Variants in MMRN1 observed in about 807,000 individuals in gnomAD.
MMRN1 encodes multimerin 1, also known as multimerin-1.
A neutral mutation model predicts 100.7 loss-of-function variants in MMRN1; 94 were observed. The ratio of observed to expected loss-of-function variants is 0.93; its 90% CI spans 0.79 to 1.11. The LOEUF is 1.11. Among genes scored for constraint, MMRN1 ranks in the 50% least tolerant of loss-of-function variants. The pLI is 0.00. For missense variants in MMRN1, 1,606 were observed against 1,439.1 expected, an observed-to-expected ratio of 1.12 and a Z score of -1.88; for synonymous variants, 575 against 505.0, an observed-to-expected ratio of 1.14 and a Z score of -1.86.
rs771272615 is a variant in MMRN1 at position 89,936,628 on chromosome 4, C to T, written c.2948C>T (p.Thr983Ile). The T allele has an allele frequency of 2.5e-6, 4 of 1,613,100 alleles. No individual in the cohort carries two copies. The Admixed American group carries it at 5.0e-5, about 20-fold the overall frequency. ...ACTCAAGCTGCCCTATCTAATTTAA[C>T]TTGTTGTATAGATCGATCGTTGCCT... is the stretch of plus-strand genomic sequence containing the variant. The part of the protein sequence containing the change: ...IKTQAALSNL[T>I]CCIDRSLPGS... The change falls in exon 6 of 8, where the codon ACT becomes ATT. Residue 983 changes from threonine (T) to isoleucine (I), a missense_variant. By Grantham distance (89) the Thr-to-Ile change is moderately conservative. Coordinates refer to ENST00000264790, the MANE Select transcript of MMRN1 (RefSeq NM_007351.3).
rs1419034742 is a variant in MMRN1, at chr4:89,894,944, A to G, written c.-28A>G. On this transcript the variant is annotated 5_prime_UTR_variant, in exon 1 of 8. The change abolishes an upstream ATG in the 5' untranslated region. Coordinates refer to ENST00000264790, the MANE Select transcript of MMRN1 (RefSeq NM_007351.3). ...TAAGGATTTTGTCCCCAAATTTCAC[A>G]TGAGCTACCTTGCTTCAAACTACTG... The G allele has an allele frequency of 1.2e-5, 19 of 1,572,548 alleles. No homozygotes were observed. Among genetic ancestry groups the G allele is most frequent in the Non-Finnish European group, 1.5e-5 (17 of 1,161,078 alleles).
chr4:89,881,379 C>A (rs1418639701), intron 1 of MMRN1, among the ~76,000 whole-genome samples: 1 of 151,898 alleles, frequency 6.6e-6, no homozygotes, highest in Non-Finnish European at 1.5e-5. Context: ...AGAATGTGGC[C>A]GTTTTCTAGT....
At chr4:89,946,561 A>G (rs1208561052) in intron 6 of MMRN1, among the ~76,000 whole-genome samples, 1 of 152,186 alleles carries the variant, frequency 6.6e-6, no homozygotes, top group East Asian at 1.9e-4. Context: ...CTGTTGAATG[A>G]GTTCTGAATG....
At position 89,945,529 on chromosome 4, in the gene MMRN1, T is replaced by C. The variant is rs561637296; in HGVS notation, c.3119-6076T>C. Among the ~76,000 whole-genome samples, 12 of 152,290 alleles carry C rather than the reference T, an allele frequency of 7.9e-5. 1 individual carries two copies. The highest frequency in any genetic ancestry group is 2.9e-4 in the African/African-American group (12 of 41,568). On this transcript the variant is annotated intron_variant, in intron 6 of 7. Transcript: ENST00000264790. ...CATGTTATTTTAGTAGGTACATAGT[T>C]ATATCTCACTGTGGTTTTGTTTTGC...
chr4:89,927,844 G>A lies in MMRN1; in HGVS notation c.1005G>A (p.Leu335=). ...AGGTGAACTACCAGGCAATGAAACT[G>A]ACTCTTCTGCAGAAGAAGATTGACA... ...TDQVNYQAMK[L]TLLQKKIDNI... The change falls in exon 5 of 8, where the codon CTG becomes CTA. Residue 335 remains leucine, a synonymous_variant. Transcript: ENST00000264790. 1 of 1,612,468 alleles carries A rather than the reference G, an allele frequency of 6.2e-7. No homozygotes were observed. The highest frequency in any genetic ancestry group is 8.5e-7 in the Non-Finnish European group (1 of 1,179,176).
At chr4:89,885,429 G>A (rs1188538221) in intron 1 of MMRN1, among the ~76,000 whole-genome samples, 4 of 151,794 alleles carry the variant, frequency 2.6e-5, no homozygotes, top group Admixed American at 6.6e-5. Context: ...GGTTTTTGTG[G>A]CCTTATAAAT....
At chr4:89,888,140 TC>T (rs1180688346) in intron 1 of MMRN1, among the ~76,000 whole-genome samples, 2 of 152,028 alleles carry the variant, frequency 1.3e-5, no homozygotes, top group East Asian at 3.9e-4. Flanking sequence ...TCTGATGCTC[TC>T]CATTCATTCT....
chr4:89,906,886 T>C (rs1721581374), intron 1 of MMRN1, among the ~76,000 whole-genome samples: 1 of 151,414 alleles, frequency 6.6e-6, no homozygotes, highest in Non-Finnish European at 1.5e-5. Flanking sequence ...ATTGTTTTAA[T>C]ATTTAGGATT....
In MMRN1 at chr4:89,953,122, A is replaced by AC. The variant is rs1303636264; in HGVS notation, c.3395dup (p.Arg1133LysfsTer6). 4 of 1,613,698 alleles carry AC rather than the reference A, an allele frequency of 2.5e-6. No individual in the cohort carries two copies. The Admixed American group carries it at 6.7e-5, about 27-fold the overall frequency. Reference sequence around the variant, plus strand: ...GGATGTCAATTATGGAGCTTCATATACCCCAAGAACTGGAAAATTTAGAAT... The same window carrying AC: ...GGATGTCAATTATGGAGCTTCATATACCCCCAAGAACTGGAAAATTTAGAAT... On this transcript the variant is annotated frameshift_variant, in exon 8 of 8. Transcript: ENST00000264790. LOFTEE classifies it high-confidence loss of function.
At chr4:89,889,591 G>A (rs1400632272) in intron 1 of MMRN1, among the ~76,000 whole-genome samples, 1 of 152,100 alleles carries the variant, frequency 6.6e-6, no homozygotes, top group Non-Finnish European at 1.5e-5. Flanking sequence ...CCGCCTTCTA[G>A]CATTGTTGAT....
In MMRN1 at chr4:89,901,746, CTTT is replaced by C. The variant is rs780589660; in HGVS notation, c.623+6153_623+6155del. On this transcript the variant is annotated intron_variant, in intron 1 of 7. Transcript: ENST00000264790. ...TCAACTTTTACCCATTAATCACATTCTTTATTTCATTACTTTGCTGTTTCTACT... is the reference window on the plus strand; with the variant it reads ...TCAACTTTTACCCATTAATCACATTCATTTCATTACTTTGCTGTTTCTACT... Among the ~76,000 whole-genome samples the C allele has an allele frequency of 9.9e-4, 151 of 152,094 alleles. 2 individuals carry two copies. The highest frequency in any genetic ancestry group is 1.6e-4 in the Non-Finnish European group (11 of 67,964).
intron 1 of MMRN1, among the ~76,000 whole-genome samples, chr4:89,897,960 A>G (rs954276045): frequency 6.6e-6 from 1 of 152,004 alleles, no homozygotes; most frequent in Non-Finnish European, 1.5e-5. Flanking sequence ...ATAATCTTAA[A>G]CTCCTTCTAT....
intron 1 of MMRN1, among the ~76,000 whole-genome samples, chr4:89,898,634 C>A (rs1320645657): frequency 6.6e-6 from 1 of 151,732 alleles, no homozygotes; most frequent in Non-Finnish European, 1.5e-5. Context: ...TCCGCCACTT[C>A]CGGCTATTCA....
chr4:89,895,460 A>AGGCATTGT lies in MMRN1; in HGVS notation c.496_497insTGGCATTG (p.Gly166ValfsTer60). 6.2e-7 allele frequency: 1 copy of AGGCATTGT among 1,613,674 alleles called. No individual in the cohort carries two copies. On this transcript the variant is annotated frameshift_variant, in exon 1 of 8. Coordinates refer to ENST00000264790, the MANE Select transcript of MMRN1 (RefSeq NM_007351.3). LOFTEE classifies it high-confidence loss of function. ...CTCTAAACACAGTTGGAGGCACTGG[A>AGGCATTGT]GGCATTGGAGGCGTTGGAGGCACTG...
chr4:89,895,611 T>A lies in MMRN1; in HGVS notation c.623+17T>A. The A allele has an allele frequency of 6.2e-7, 1 of 1,601,380 alleles. No homozygotes were observed. Among genetic ancestry groups the A allele is most frequent in the Non-Finnish European group, 8.5e-7 (1 of 1,173,326 alleles). On this transcript the variant is annotated intron_variant, in intron 1 of 7. Coordinates refer to ENST00000264790, the MANE Select transcript of MMRN1 (RefSeq NM_007351.3). ...TAGAGGAAAGTAAGAAATCTTCTTT[T>A]CTTTTTGTTCTTTCTCTGTCTATCA... is the stretch of plus-strand genomic sequence containing the variant.
intron 6 of MMRN1, among the ~76,000 whole-genome samples, chr4:89,944,623 G>A (rs115688011): frequency 0.017 from 2,577 of 152,182 alleles, 78 homozygotes; most frequent in African/African-American, 0.057. Flanking sequence ...CAGGCAAAGC[G>A]ATGTTAAGAC....
At chr4:89,910,396 T>C (rs972091921) in intron 2 of MMRN1, among the ~76,000 whole-genome samples, 1 of 151,512 alleles carries the variant, frequency 6.6e-6, no homozygotes, top group African/African-American at 2.4e-5. Flanking sequence ...CTTTTTATTT[T>C]TTTCTTTTCT....
chr4:89,920,975 T>G (rs1166738481), intron 3 of MMRN1, among the ~76,000 whole-genome samples: 2 of 152,098 alleles, frequency 1.3e-5, no homozygotes, highest in East Asian at 3.9e-4. Context: ...ATCAGTATTC[T>G]AATGGGATGT....
intron 6 of MMRN1, among the ~76,000 whole-genome samples, chr4:89,944,111 GA>G (rs1722916683): frequency 6.6e-6 from 1 of 152,130 alleles, no homozygotes; most frequent in African/African-American, 2.4e-5. Context: ...TTTTGAATGT[GA>G]AAGAAAAGAA....
Sources: gnomAD v4.1 joint callset for allele counts (sites outside exome capture counted in the v4.1 genomes callset) on GRCh38, gnomAD v4.1.1 for gene constraint, MANE v1.5 for transcripts, NCBI Gene and HGNC (gene_info 2026-07-23, HGNC 2026-07-21) for gene names.